MSRA: variants seen among roughly 807,000 people sequenced by gnomAD.
MSRA encodes methionine sulfoxide reductase A.
In MSRA, 54 loss-of-function variants were observed where a neutral mutation model predicts 31.3. The observed-to-expected ratio is 1.73, with a 90% CI of 1.39 to 2.17. The LOEUF (loss-of-function observed/expected upper bound fraction) is 2.17, where lower values mean the gene tolerates loss of function less well. Ranked by LOEUF, MSRA falls within the 30% of genes most tolerant of loss-of-function variation. The pLI, the probability that MSRA is intolerant of heterozygous loss-of-function variation, is 0.00. For missense variants in MSRA, 507 were observed against 300.9 expected (o/e 1.69, Z -5.07); for synonymous variants, 169 against 116.5 (o/e 1.45, Z -2.90).
At chr8:10,210,629 C>A (rs1809393290) in intron 2 of MSRA, among the ~76,000 whole-genome samples, 1 of 152,132 alleles carries the variant, frequency 6.6e-6, no homozygotes, top group African/African-American at 2.4e-5. Flanking sequence ...ATTCCCTTGA[C>A]TGTGAGTTCA....
intron 3 of MSRA, among the ~76,000 whole-genome samples, chr8:10,265,807 C>A (rs1305736043): frequency 6.6e-6 from 1 of 152,240 alleles, no homozygotes; most frequent in African/African-American, 2.4e-5. Context: ...CTCTGATCTG[C>A]TTCCTGTCAT....
chr8:10,319,309 AACTG>A (rs1387745000), intron 4 of MSRA, among the ~76,000 whole-genome samples: 2 of 152,148 alleles, frequency 1.3e-5, no homozygotes, highest in Non-Finnish European at 2.9e-5. Flanking sequence ...CTCAGATAGA[AACTG>A]ACTATCATCC....
intron 5 of MSRA, among the ~76,000 whole-genome samples, chr8:10,401,881 T>C (rs2129184262): frequency 6.6e-6 from 1 of 152,210 alleles, no homozygotes; most frequent in African/African-American, 2.4e-5. Context: ...GAAAATGGAA[T>C]AGAGGTTCCC....
intron 4 of MSRA, among the ~76,000 whole-genome samples, chr8:10,315,916 A>C (rs1801686026): frequency 6.6e-6 from 1 of 152,216 alleles, no homozygotes; most frequent in Non-Finnish European, 1.5e-5. Flanking sequence ...ACACAAACAA[A>C]ATTCACACTA....
At chr8:10,405,843 A>C (rs532935775) in intron 5 of MSRA, among the ~76,000 whole-genome samples, 1 of 152,322 alleles carries the variant, frequency 6.6e-6, no homozygotes, top group African/African-American at 2.4e-5. Flanking sequence ...AATCACAGAC[A>C]TGCTCACACA....
intron 1 of MSRA, among the ~76,000 whole-genome samples, chr8:10,073,200 G>C (rs1211676352): frequency 6.6e-6 from 1 of 152,110 alleles, no homozygotes; most frequent in African/African-American, 2.4e-5. Flanking sequence ...TATCTTAGGG[G>C]AAAAGCATTC....
At chr8:10,351,378 C>T (rs1804137395) in intron 5 of MSRA, among the ~76,000 whole-genome samples, 1 of 151,732 alleles carries the variant, frequency 6.6e-6, no homozygotes, top group African/African-American at 2.4e-5. Context: ...TCCAGCCTCC[C>T]AGGCATCTGG....
intron 1 of MSRA, among the ~76,000 whole-genome samples, chr8:10,132,748 C>T (rs758696789): frequency 1.3e-5 from 2 of 152,186 alleles, no homozygotes; most frequent in Non-Finnish European, 2.9e-5. Flanking sequence ...ATCAAATGAG[C>T]CTTGTGTGCC....
intron 5 of MSRA, among the ~76,000 whole-genome samples, chr8:10,325,946 G>C (rs997180125): frequency 6.6e-5 from 10 of 152,204 alleles, no homozygotes; most frequent in Admixed American, 2.6e-4. Flanking sequence ...CTAGAACTCT[G>C]TACTGTAGTC....
chr8:10,339,785 C>CG (rs999782374), intron 5 of MSRA, among the ~76,000 whole-genome samples: 1 of 151,704 alleles, frequency 6.6e-6, no homozygotes, highest in Non-Finnish European at 1.5e-5. Context: ...TCGTGATCCC[C>CG]CCGCCTCGGC....
chr8:10,157,346 G>C (rs1198278774), intron 1 of MSRA, among the ~76,000 whole-genome samples: 4 of 152,172 alleles, frequency 2.6e-5, no homozygotes, highest in South Asian at 2.1e-4. Flanking sequence ...CTCACTGTCT[G>C]ATGGTGTGAT....
chr8:10,080,156 C>A (rs1448673115), intron 1 of MSRA, among the ~76,000 whole-genome samples: 1 of 152,178 alleles, frequency 6.6e-6, no homozygotes, highest in East Asian at 1.9e-4. Flanking sequence ...AGATGGAGGC[C>A]TAGCAGACTG....
chr8:10,089,901 G>A (rs561001659), intron 1 of MSRA, among the ~76,000 whole-genome samples: 24 of 152,268 alleles, frequency 1.6e-4, no homozygotes, highest in Non-Finnish European at 2.6e-4. Context: ...GCACCAATCC[G>A]TTCATGTGGG....
chr8:10,363,133 C>G (rs746163979), intron 5 of MSRA, among the ~76,000 whole-genome samples: 5 of 152,226 alleles, frequency 3.3e-5, no homozygotes, highest in Non-Finnish European at 7.3e-5. Context: ...CACTTTCAGC[C>G]TTTCTCCGTA....
chr8:10,381,307 A>T (rs1186882411), intron 5 of MSRA, among the ~76,000 whole-genome samples: 1 of 152,094 alleles, frequency 6.6e-6, no homozygotes, highest in Non-Finnish European at 1.5e-5. Flanking sequence ...CCCTATTCCT[A>T]ACATAAACCA....
At chr8:10,198,795 T>C (rs900761199) in intron 1 of MSRA, among the ~76,000 whole-genome samples, 1 of 152,074 alleles carries the variant, frequency 6.6e-6, no homozygotes, top group Non-Finnish European at 1.5e-5. Context: ...GGCTAACTTA[T>C]TTATTTATTT....
Position 10,232,149 on chromosome 8 carries a change from T to C in MSRA, c.212-12955T>C, listed in dbSNP as rs187210724. On this transcript the variant is annotated intron_variant, in intron 2 of 5. Coordinates refer to ENST00000317173, the MANE Select transcript of MSRA (RefSeq NM_012331.5). ...AATTGTTGTGTACGTGGCTGTGTTC[T>C]GAGTGAAGTCTAAAAGCAGGGGAAA... Among the ~76,000 whole-genome samples the C allele has an allele frequency of 2.4e-3, 368 of 152,254 alleles. 1 individual carries two copies. Among genetic ancestry groups the C allele is most frequent in the Non-Finnish European group, 4.5e-3 (303 of 68,014 alleles).
At chr8:10,332,079 C>G (rs1036742064) in intron 5 of MSRA, among the ~76,000 whole-genome samples, 1 of 152,166 alleles carries the variant, frequency 6.6e-6, no homozygotes, top group Non-Finnish European at 1.5e-5. Flanking sequence ...AGCATATCTT[C>G]CTTTCTGTCA....
At chr8:10,298,885 A>T (rs1800688194) in intron 3 of MSRA, among the ~76,000 whole-genome samples, 2 of 152,174 alleles carry the variant, frequency 1.3e-5, no homozygotes, top group South Asian at 4.1e-4. Flanking sequence ...CTTTTCTATT[A>T]GTTGAAGTTA....
Sources: gnomAD v4.1 joint callset for allele counts (sites outside exome capture counted in the v4.1 genomes callset) on GRCh38, gnomAD v4.1.1 for gene constraint, MANE v1.5 for transcripts, NCBI Gene and HGNC (gene_info 2026-07-23, HGNC 2026-07-21) for gene names.